LRP1B: variants seen among roughly 807,000 people sequenced by gnomAD.
LRP1B encodes LDL receptor related protein 1B, also known as low-density lipoprotein receptor-related protein 1B.
A neutral mutation model predicts 556.6 loss-of-function variants in LRP1B; 217 were observed. That is an observed-to-expected ratio of 0.39 (90% CI 0.35 to 0.44). LRP1B has a LOEUF of 0.44. Among genes scored for constraint, LRP1B ranks in the 20% least tolerant of loss-of-function variants. LRP1B has a pLI of 1.00. For missense variants in LRP1B, 5,053 were observed against 5,620.8 expected, an observed-to-expected ratio of 0.90 and a Z score of 3.23; for synonymous variants, 2,047 against 1,865.8, an observed-to-expected ratio of 1.10 and a Z score of -2.50.
chr2:140,646,098 C>T (rs899823150), intron 41 of LRP1B, among the ~76,000 whole-genome samples: 5 of 152,210 alleles, frequency 3.3e-5, no homozygotes, highest in South Asian at 4.1e-4. Context: ...ACTCAGTTCT[C>T]GTAATTTCAT....
chr2:140,516,758 T>C, intron 50 of LRP1B, 131 bp downstream of exon 50: 1 of 819,796 alleles, frequency 1.2e-6, no homozygotes, highest in Non-Finnish European at 1.9e-6. Flanking sequence ...CATTTTTGTA[T>C]TATTTAATAA....
chr2:141,465,225 G>T (rs929021211), intron 3 of LRP1B, among the ~76,000 whole-genome samples: 1 of 152,050 alleles, frequency 6.6e-6, no homozygotes, highest in South Asian at 2.1e-4. Flanking sequence ...TTAAAAAAAG[G>T]CTCAAGTGTA....
intron 1 of LRP1B, among the ~76,000 whole-genome samples, chr2:142,075,403 TAGAA>T (rs1705461074): frequency 1.3e-5 from 2 of 151,878 alleles, no homozygotes; most frequent in Admixed American, 6.6e-5. Flanking sequence ...TACTTATAAA[TAGAA>T]AGGAATGGAG....
intron 67 of LRP1B, among the ~76,000 whole-genome samples, chr2:140,382,425 A>C (rs1573870756): frequency 6.6e-6 from 1 of 152,170 alleles, no homozygotes; most frequent in Non-Finnish European, 1.5e-5. Context: ...TTGTTGATAA[A>C]GATATTATAG....
intron 41 of LRP1B, among the ~76,000 whole-genome samples, chr2:140,648,627 G>C (rs1292841829): frequency 6.6e-6 from 1 of 151,924 alleles, no homozygotes; most frequent in African/African-American, 2.4e-5. Flanking sequence ...CGGGTTCAGG[G>C]GTAATCTCTG....
chr2:140,887,192 G>A (rs1693662411), intron 23 of LRP1B, among the ~76,000 whole-genome samples: 2 of 152,018 alleles, frequency 1.3e-5, no homozygotes, highest in African/African-American at 4.8e-5. Flanking sequence ...TCAAAAACAG[G>A]TACAGAATAG....
Position 141,759,997 on chromosome 2 carries a change from C to T in LRP1B, c.205+50282G>A, listed in dbSNP as rs10193053. Among the ~76,000 whole-genome samples, 660 of 152,128 alleles carry T rather than the reference C, an allele frequency of 4.3e-3. 6 individuals are homozygous for T. The highest frequency in any genetic ancestry group is 0.014 in the African/African-American group (601 of 41,504). On this transcript the variant is annotated intron_variant, in intron 2 of 90. Transcript: ENST00000389484. ...TACAAAAATTAGCCGGGCGTGGTTG[C>T]GTGCGTCTATAATCCCAGCTACTCG... is the stretch of plus-strand genomic sequence containing the variant.
At chr2:141,028,487 C>T (rs181957164) in intron 11 of LRP1B, among the ~76,000 whole-genome samples, 9 of 151,496 alleles carry the variant, frequency 5.9e-5, no homozygotes, top group Non-Finnish European at 1.0e-4. Context: ...TTTATTAAAA[C>T]GTTACAGAAG....
intron 41 of LRP1B, chr2:140,683,548 C>T (rs1685938374): frequency 4.6e-6 from 3 of 647,074 alleles, no homozygotes. Context: ...CCTTGATCTG[C>T]TTTCAACTCC....
intron 11 of LRP1B, among the ~76,000 whole-genome samples, chr2:141,042,836 A>G (rs1698741764): frequency 6.6e-6 from 1 of 152,060 alleles, no homozygotes; most frequent in Admixed American, 6.6e-5. Flanking sequence ...AGAGGACATA[A>G]TGTTCTGCCA....
At chr2:141,382,532 G>A (rs1363830213) in intron 3 of LRP1B, among the ~76,000 whole-genome samples, 2 of 152,136 alleles carry the variant, frequency 1.3e-5, no homozygotes, top group East Asian at 3.9e-4. Flanking sequence ...TGAAGTCGGG[G>A]ACATAACCTG....
At chr2:141,607,500 C>T (rs1687959504) in intron 2 of LRP1B, among the ~76,000 whole-genome samples, 1 of 152,158 alleles carries the variant, frequency 6.6e-6, no homozygotes, top group Admixed American at 6.5e-5. Context: ...CCACCCTACC[C>T]CATCCCCTCA....
intron 33 of LRP1B, among the ~76,000 whole-genome samples, chr2:140,771,875 G>A (rs555503521): frequency 4.6e-5 from 7 of 152,330 alleles, no homozygotes; most frequent in African/African-American, 1.7e-4. Flanking sequence ...AAAGCATGAT[G>A]AAAGCTCTAT....
chr2:141,009,834 A>T (rs1697691037), intron 14 of LRP1B, among the ~76,000 whole-genome samples: 1 of 152,020 alleles, frequency 6.6e-6, no homozygotes. Flanking sequence ...CTAAAAGTAT[A>T]GTAGATATAA....
At chr2:142,108,563 T>C (rs1211773732) in intron 1 of LRP1B, among the ~76,000 whole-genome samples, 1 of 152,206 alleles carries the variant, frequency 6.6e-6, no homozygotes, top group African/African-American at 2.4e-5. Context: ...AATTATTTCA[T>C]GGCACTATTG....
chr2:140,685,597 A>C (rs1381431957), intron 41 of LRP1B, among the ~76,000 whole-genome samples: 1 of 152,158 alleles, frequency 6.6e-6, no homozygotes, highest in Non-Finnish European at 1.5e-5. Context: ...ATAGAGGTTC[A>C]TATTCCCTTC....
At chr2:140,341,528 T>C (rs754572181) in intron 77 of LRP1B, among the ~76,000 whole-genome samples, 12 of 151,384 alleles carry the variant, frequency 7.9e-5, no homozygotes, top group Admixed American at 1.3e-4. Flanking sequence ...ATAAGTATAA[T>C]AATAATATAA....
At chr2:140,891,824 AT>A (rs1324743057) in intron 23 of LRP1B, among the ~76,000 whole-genome samples, 7 of 152,130 alleles carry the variant, frequency 4.6e-5, no homozygotes, top group Admixed American at 3.9e-4. Flanking sequence ...GTCTCTTGAC[AT>A]TTTTTTAAGA....
chr2:141,202,003 GGTTT>G (rs1260562129), intron 6 of LRP1B, among the ~76,000 whole-genome samples: 2 of 151,988 alleles, frequency 1.3e-5, no homozygotes, highest in African/African-American at 2.4e-5. Context: ...AGGATGTGCA[GGTTT>G]GTTACACAGG....
Sources: allele counts gnomAD v4.1 joint callset (sites outside exome capture counted in the v4.1 genomes callset), GRCh38; gene constraint gnomAD v4.1.1; transcripts MANE v1.5; gene names NCBI Gene and HGNC (gene_info 2026-07-23, HGNC 2026-07-21).